RASGEF1C: variants seen among roughly 807,000 people sequenced by gnomAD.
The protein encoded by RASGEF1C is RasGEF domain family member 1C, also known as ras-GEF domain-containing family member 1C.
Under a neutral mutation model 58.1 loss-of-function variants are expected in RASGEF1C, and 27 were observed. The observed-to-expected ratio is 0.46, with a 90% CI of 0.34 to 0.64. RASGEF1C has a LOEUF of 0.64. Among genes scored for constraint, RASGEF1C ranks in the 30% least tolerant of loss-of-function variants. RASGEF1C has a pLI of 0.01. For missense variants in RASGEF1C, 502 were observed against 605.1 expected (o/e 0.83, Z 1.79); for synonymous variants, 243 against 246.3 (o/e 0.99, Z 0.13).
intron 1 of RASGEF1C, among the ~76,000 whole-genome samples, chr5:180,183,965 G>C (rs1250539534): frequency 6.7e-6 from 1 of 150,068 alleles, no homozygotes; most frequent in South Asian, 2.1e-4. Context: ...TGAGGTCAGG[G>C]GTTTGAGACC....
In RASGEF1C at chr5:180,158,026, C is replaced by T. The variant is rs568190462; in HGVS notation, c.-6-19968G>A. 2.0e-5 allele frequency among the ~76,000 whole-genome samples: 3 copies of T among 152,182 alleles called. No homozygotes were observed. The highest frequency in any genetic ancestry group is 3.9e-4 in the East Asian group (2 of 5,186). On this transcript the variant is annotated intron_variant, in intron 1 of 13. Transcript: ENST00000361132. The surrounding 1 kb of genome is among the most constrained non-coding windows in gnomAD (Gnocchi z 4.0). ...AACATACCATTCTGGTGGGTGACGT[C>T]GATAATGGGGGAGGCTCTGCATGTG... is the stretch of plus-strand genomic sequence containing the variant.
intron 12 of RASGEF1C, among the ~76,000 whole-genome samples, chr5:180,103,385 T>C (rs1345839178): frequency 6.6e-6 from 1 of 152,206 alleles, no homozygotes; most frequent in African/African-American, 2.4e-5. Context: ...CACATCAGCA[T>C]TAACTTTTAG....
chr5:180,112,922 G>A (rs1400072825), intron 11 of RASGEF1C, among the ~76,000 whole-genome samples: 2 of 149,620 alleles, frequency 1.3e-5, no homozygotes, highest in Admixed American at 1.3e-4. Flanking sequence ...TGGACAGAGG[G>A]ATCCGGGATG....
chr5:180,133,444 T>G (rs1391928048), intron 4 of RASGEF1C, among the ~76,000 whole-genome samples: 1 of 152,100 alleles, frequency 6.6e-6, no homozygotes, highest in Non-Finnish European at 1.5e-5. Flanking sequence ...CACAGCCCTG[T>G]GAGGGAAGAA....
chr5:180,176,825 G>T (rs529760230), intron 1 of RASGEF1C, among the ~76,000 whole-genome samples: 32 of 152,236 alleles, frequency 2.1e-4, no homozygotes, highest in African/African-American at 7.5e-4. Context: ...CAAAGTGCTG[G>T]GATTACAGGC....
At chr5:180,153,132 A>G (rs1333227626) in intron 1 of RASGEF1C, among the ~76,000 whole-genome samples, 1 of 152,126 alleles carries the variant, frequency 6.6e-6, no homozygotes, top group Non-Finnish European at 1.5e-5. Context: ...AAGGGGAGGT[A>G]GTGGGGAATT....
At chr5:180,181,988 G>A (rs1767340268) in intron 1 of RASGEF1C, among the ~76,000 whole-genome samples, 1 of 151,716 alleles carries the variant, frequency 6.6e-6, no homozygotes, top group Non-Finnish European at 1.5e-5. Context: ...CGGATCACGA[G>A]GTCAGGAGAT....
In RASGEF1C at chr5:180,168,117, A is replaced by G. The variant is rs771823280; in HGVS notation, c.-6-30059T>C. Among the ~76,000 whole-genome samples the G allele has an allele frequency of 1.7e-4, 26 of 152,196 alleles. No homozygotes were observed. Among genetic ancestry groups the G allele is most frequent in the Non-Finnish European group, 3.4e-4 (23 of 68,038 alleles). On this transcript the variant is annotated intron_variant, in intron 1 of 13. Coordinates refer to ENST00000361132, the MANE Select transcript of RASGEF1C (RefSeq NM_175062.4). The surrounding 1 kb of genome is among the most constrained non-coding windows in gnomAD (Gnocchi z 6.0). ...ATTAATAAACAACTCTCAAAAACAA[A>G]ACAAAACAAAAACAAAAACAAACAA...
At position 180,162,223 on chromosome 5, in the gene RASGEF1C, A is replaced by T. The variant is rs1766954023; in HGVS notation, c.-6-24165T>A. Among the ~76,000 whole-genome samples the T allele has an allele frequency of 2.0e-5, 3 of 152,184 alleles. No individual in the cohort carries two copies. The South Asian group carries it at 6.2e-4, about 31-fold the overall frequency. On this transcript the variant is annotated intron_variant, in intron 1 of 13. Transcript: ENST00000361132. ...GGCCCTGCCTCCCTCGCTGAAAATC[A>T]CGACATTGTCTGCTTGTCTCTAGCC... is the stretch of plus-strand genomic sequence containing the variant.
intron 12 of RASGEF1C, among the ~76,000 whole-genome samples, chr5:180,106,350 T>C (rs1765874508): frequency 1.3e-5 from 2 of 152,236 alleles, no homozygotes; most frequent in African/African-American, 4.8e-5. Flanking sequence ...GCTCCTCTTT[T>C]TCTAGATTCT....
At chr5:180,135,078 C>T (rs1766449157) in intron 4 of RASGEF1C, 1 of 116,302 alleles carries the variant, frequency 8.6e-6, no homozygotes, top group African/African-American at 2.9e-5. Context: ...TGTTCCCTGG[C>T]CCTGTTCTGT....
rs554243448 is a variant in RASGEF1C, at chr5:180,125,614, C to T, written c.714+1995G>A. On this transcript the variant is annotated intron_variant, in intron 6 of 13. Coordinates refer to ENST00000361132, the MANE Select transcript of RASGEF1C (RefSeq NM_175062.4). ...CCTGACCAACATGGAGAACCCTTGT[C>T]TCTACTAAAAATACAAAATTAGCCA... Among the ~76,000 whole-genome samples the T allele has an allele frequency of 5.9e-5, 9 of 152,194 alleles. No individual in the cohort carries two copies. The South Asian group carries it at 1.9e-3, about 32-fold the overall frequency.
rs1766509922 is a variant in RASGEF1C at position 180,137,828 on chromosome 5, C to T, written c.177+48G>A. The T allele has an allele frequency of 3.1e-6, 5 of 1,603,306 alleles. No individual in the cohort carries two copies. The highest frequency in any genetic ancestry group is 1.3e-5 in the African/African-American group (1 of 74,800). ...ACGCCCAACCCTGATGCCCCCCGTGCGTGGTGGAGGAGAGCCCACTCTCCT... is the reference window on the plus strand; with the variant it reads ...ACGCCCAACCCTGATGCCCCCCGTGTGTGGTGGAGGAGAGCCCACTCTCCT... On this transcript the variant is annotated intron_variant, in intron 2 of 13. Coordinates refer to ENST00000361132, the MANE Select transcript of RASGEF1C (RefSeq NM_175062.4). This position sits in a 1 kb window ranked among gnomAD's most constrained non-coding sequence, Gnocchi z 4.1.
chr5:180,141,898 C>T lies in RASGEF1C; in HGVS notation c.-6-3840G>A, dbSNP rs191832258. On this transcript the variant is annotated intron_variant, in intron 1 of 13. Transcript: ENST00000361132. ...CTAATTTTTGTATTTTTGGTAGAGA[C>T]GGGGTTTCACCATGTTAGCCAGGAT... 8.4e-4 allele frequency among the ~76,000 whole-genome samples: 127 copies of T among 152,000 alleles called. 1 individual carries two copies. The East Asian group carries it at 0.019, about 22-fold the overall frequency.
chr5:180,127,980 G>A (rs748038127), intron 5 of RASGEF1C, among the ~76,000 whole-genome samples: 1 of 152,208 alleles, frequency 6.6e-6, no homozygotes, highest in East Asian at 1.9e-4. Flanking sequence ...CTTCCTCTGC[G>A]GGGTGGAGGG....
intron 1 of RASGEF1C, among the ~76,000 whole-genome samples, chr5:180,166,674 C>A (rs1029705695): frequency 4.6e-5 from 7 of 152,042 alleles, no homozygotes; most frequent in African/African-American, 1.7e-4. Flanking sequence ...CACCACCATG[C>A]CCAGCTAATT....
intron 1 of RASGEF1C, among the ~76,000 whole-genome samples, chr5:180,148,995 A>T (rs1766703568): frequency 6.6e-6 from 1 of 151,698 alleles, no homozygotes; most frequent in South Asian, 2.1e-4. Flanking sequence ...TTCTTGGTTG[A>T]CAGGTTTTTT....
intron 1 of RASGEF1C, among the ~76,000 whole-genome samples, chr5:180,171,042 G>A (rs543524638): frequency 1.3e-5 from 2 of 152,268 alleles, no homozygotes; most frequent in African/African-American, 4.8e-5. Flanking sequence ...AGACGCGGCC[G>A]GAGTTCCAGG....
intron 1 of RASGEF1C, among the ~76,000 whole-genome samples, chr5:180,205,395 T>C (rs999985852): frequency 1.3e-5 from 2 of 151,976 alleles, no homozygotes; most frequent in Admixed American, 6.6e-5. Context: ...AGGAAAAACA[T>C]ATATGAGGAA....
Sources: gnomAD v4.1 joint callset for allele counts (sites outside exome capture counted in the v4.1 genomes callset) on GRCh38, gnomAD v4.1.1 for gene constraint, Gnocchi (gnomAD v3.1) non-coding constraint, MANE v1.5 for transcripts, NCBI Gene and HGNC (gene_info 2026-07-23, HGNC 2026-07-21) for gene names.